Variants in AGBL4 observed in about 807,000 individuals in gnomAD.
AGBL4 encodes the protein cytosolic carboxypeptidase 6.
AGBL4 carries 58 observed loss-of-function variants against 66.4 expected under a neutral mutation model. The ratio of observed to expected loss-of-function variants is 0.87; its 90% CI spans 0.71 to 1.09. The LOEUF (loss-of-function observed/expected upper bound fraction) is 1.09, where lower values mean the gene tolerates loss of function less well. Among genes scored for constraint, AGBL4 ranks in the 50% least tolerant of loss-of-function variants. AGBL4 has a pLI of 0.00. For synonymous variants in AGBL4, 234 were observed against 222.9 expected (o/e 1.05, Z -0.44); for missense variants, 579 against 631.0 (o/e 0.92, Z 0.88).
chr1:48,866,648 T>C (rs1256991310), intron 6 of AGBL4, among the ~76,000 whole-genome samples: 3 of 152,310 alleles, frequency 2.0e-5, no homozygotes, highest in East Asian at 3.9e-4. Context: ...ATGTCAGCTA[T>C]AGAGGGGAAA....
intron 3 of AGBL4, among the ~76,000 whole-genome samples, chr1:49,257,028 A>T (rs2148349304): frequency 6.6e-6 from 1 of 152,288 alleles, no homozygotes; most frequent in African/African-American, 2.4e-5. Flanking sequence ...TATGGACTCA[A>T]AGTATGTACA....
chr1:49,438,062 T>A (rs554672091), intron 3 of AGBL4, among the ~76,000 whole-genome samples: 1 of 152,302 alleles, frequency 6.6e-6, no homozygotes, highest in Admixed American at 6.5e-5. Flanking sequence ...TATCTTTTAA[T>A]CTTCACAATC....
At chr1:49,844,744 G>T in intron 2 of AGBL4, 7 of 1,599,686 alleles carry the variant, frequency 4.4e-6, no homozygotes, top group Non-Finnish European at 5.1e-6. Context: ...ACGTATCTCT[G>T]AAGAAATATC....
chr1:49,559,722 G>C (rs778638651), intron 3 of AGBL4, among the ~76,000 whole-genome samples: 19 of 152,112 alleles, frequency 1.2e-4, no homozygotes, highest in Non-Finnish European at 2.5e-4. Flanking sequence ...CCAGTGGTTT[G>C]CCAGGGGCTC....
intron 5 of AGBL4, among the ~76,000 whole-genome samples, chr1:48,894,860 G>T (rs892335352): frequency 6.6e-6 from 1 of 152,214 alleles, no homozygotes; most frequent in Non-Finnish European, 1.5e-5. Context: ...TTTCCAGTAC[G>T]TAGGGAGACA....
chr1:48,711,853 G>A (rs969563014), intron 6 of AGBL4, among the ~76,000 whole-genome samples: 2 of 152,058 alleles, frequency 1.3e-5, no homozygotes, highest in African/African-American at 4.8e-5. Context: ...CTTCCAGCCT[G>A]TCCTGTTCCA....
intron 5 of AGBL4, among the ~76,000 whole-genome samples, chr1:49,005,598 T>A (rs1474307976): frequency 1.3e-5 from 2 of 152,240 alleles, no homozygotes; most frequent in Non-Finnish European, 2.9e-5. Flanking sequence ...ATTTTACTGT[T>A]AGATATTGTT....
intron 5 of AGBL4, among the ~76,000 whole-genome samples, chr1:48,950,253 C>T (rs1215735907): frequency 6.6e-6 from 1 of 152,112 alleles, no homozygotes; most frequent in Non-Finnish European, 1.5e-5. Context: ...TGTGCCACCA[C>T]ACCTGGCTAA....
intron 1 of AGBL4, among the ~76,000 whole-genome samples, chr1:49,895,186 T>A: frequency 6.7e-6 from 1 of 149,590 alleles, no homozygotes. Flanking sequence ...AAAAGAAGAC[T>A]TTCCCAGTTT....
Position 49,486,300 on chromosome 1 carries a change from T to C in AGBL4, c.282+211013A>G, listed in dbSNP as rs188622127. Among the ~76,000 whole-genome samples, 3 of 152,176 alleles carry C rather than the reference T, an allele frequency of 2.0e-5. No homozygotes were observed. The East Asian group carries it at 5.8e-4, about 29-fold the overall frequency. ...CTCAGAAAGATGTCATCATATGTAT[T>C]GTTCTTTTAAAATAATAACCATCAA... is the stretch of plus-strand genomic sequence containing the variant. On this transcript the variant is annotated intron_variant, in intron 3 of 13. Coordinates refer to ENST00000371839, the MANE Select transcript of AGBL4 (RefSeq NM_032785.4).
chr1:49,726,224 A>G (rs1026376825), intron 2 of AGBL4, among the ~76,000 whole-genome samples: 1 of 152,148 alleles, frequency 6.6e-6, no homozygotes, highest in African/African-American at 2.4e-5. Flanking sequence ...ATGTGTGCAA[A>G]ATCACAGATA....
At chr1:49,514,186 C>A (rs1410813257) in intron 3 of AGBL4, among the ~76,000 whole-genome samples, 1 of 151,910 alleles carries the variant, frequency 6.6e-6, no homozygotes, top group Admixed American at 6.6e-5. Flanking sequence ...TTGACTTCCT[C>A]TTTTCCTAAT....
intron 3 of AGBL4, among the ~76,000 whole-genome samples, chr1:49,263,004 A>G (rs921598208): frequency 3.9e-5 from 6 of 152,214 alleles, no homozygotes; most frequent in Non-Finnish European, 7.3e-5. Flanking sequence ...TGTCCTTTGT[A>G]GGGACATGGA....
intron 6 of AGBL4, among the ~76,000 whole-genome samples, chr1:48,682,743 C>A (rs1476150679): frequency 6.6e-6 from 1 of 152,154 alleles, no homozygotes; most frequent in Non-Finnish European, 1.5e-5. Flanking sequence ...GCCTGGTATA[C>A]AATAAATGCA....
intron 3 of AGBL4, among the ~76,000 whole-genome samples, chr1:49,565,235 C>A (rs1644164857): frequency 6.6e-6 from 1 of 152,184 alleles, no homozygotes; most frequent in Admixed American, 6.5e-5. Context: ...ATACAGCACA[C>A]TGATAGGTCT....
chr1:49,239,662 A>C (rs566685633), intron 4 of AGBL4, among the ~76,000 whole-genome samples: 2 of 152,244 alleles, frequency 1.3e-5, no homozygotes, highest in African/African-American at 4.8e-5. Context: ...AAAATGTAAA[A>C]TTAAAAATAA....
intron 5 of AGBL4, among the ~76,000 whole-genome samples, chr1:48,988,469 T>G (rs561163362): frequency 6.6e-6 from 1 of 152,254 alleles, no homozygotes; most frequent in Non-Finnish European, 1.5e-5. Context: ...GTTCACAGCT[T>G]CTGGGAGAAA....
chr1:48,578,182 G>C (rs2148327697), intron 11 of AGBL4, among the ~76,000 whole-genome samples: 1 of 152,198 alleles, frequency 6.6e-6, no homozygotes, highest in Non-Finnish European at 1.5e-5. Context: ...CCAAAGCAGG[G>C]AACAGACCTC....
At chr1:48,830,313 A>G (rs1047522620) in intron 6 of AGBL4, among the ~76,000 whole-genome samples, 1 of 152,214 alleles carries the variant, frequency 6.6e-6, no homozygotes, top group Non-Finnish European at 1.5e-5. Flanking sequence ...CAGCCCTGTG[A>G]AATAGGCATT....
Sources: gnomAD v4.1 joint callset for allele counts (sites outside exome capture counted in the v4.1 genomes callset) on GRCh38, gnomAD v4.1.1 for gene constraint, MANE v1.5 for transcripts, NCBI Gene and HGNC (gene_info 2026-07-23, HGNC 2026-07-21) for gene names.